TSC22D4: variants seen among roughly 807,000 people sequenced by gnomAD.
The protein encoded by TSC22D4 is TSC22 domain family member 4, also known as TSC22 domain family protein 4.
Under a neutral mutation model 24.9 loss-of-function variants are expected in TSC22D4, and 5 were observed. The ratio of observed to expected loss-of-function variants is 0.20; its 90% CI spans 0.10 to 0.42. TSC22D4 has a LOEUF of 0.42. TSC22D4 is among the 10% of genes least tolerant of loss of function. TSC22D4 has a pLI of 1.00. For missense variants in TSC22D4, 469 were observed against 547.9 expected (o/e 0.86, Z 1.44); for synonymous variants, 245 against 243.2 (o/e 1.01, Z -0.07).
chr7:100,473,215 T>C (rs186267126), intron 3 of TSC22D4, among the ~76,000 whole-genome samples: 74 of 152,256 alleles, frequency 4.9e-4, no homozygotes, highest in African/African-American at 1.7e-3. Flanking sequence ...CTCTCTGCAG[T>C]GCTGCCCCTG....
At position 100,477,819 on chromosome 7, in the gene TSC22D4, C is replaced by T. The variant is rs1799534070; in HGVS notation, c.220G>A (p.Val74Met). Reference sequence around the variant, plus strand: ...CCCAGGCCGTGGGGCAGCTTCACCACCCGGAAACGGGAGGAAGGGGCCCCA... The same window carrying T: ...CCCAGGCCGTGGGGCAGCTTCACCATCCGGAAACGGGAGGAAGGGGCCCCA... ...PPGAPSSRFR[V>M]VKLPHGLGEP... Residue 74 changes from valine (V) to methionine (M), a missense_variant, in exon 2 of 5, where the codon GTG (valine) becomes ATG (methionine). Val to Met is a conservative substitution (Grantham distance 21). Transcript: ENST00000300181. This position sits in a 1 kb window ranked among gnomAD's most constrained non-coding sequence, Gnocchi z 7.8. 1.2e-6 allele frequency: 2 copies of T among 1,606,644 alleles called. No individual in the cohort carries two copies. Among genetic ancestry groups the T allele is most frequent in the African/African-American group, 1.3e-5 (1 of 75,014 alleles).
chr7:100,478,348 A>AGTGTGT (rs1419924992), intron 1 of TSC22D4, 41 bp from the exon 2 acceptor site: 139 of 224,266 alleles, frequency 6.2e-4, no homozygotes, highest in African/African-American at 1.1e-3. Flanking sequence ...AGAGAGAGAG[A>AGTGTGT]GAGTGTGTGT....
At position 100,466,902 on chromosome 7, in the gene TSC22D4, C is replaced by G; in HGVS notation, c.*57G>C. The G allele has an allele frequency of 6.9e-7, 1 of 1,443,158 alleles. No homozygotes were observed. Among genetic ancestry groups the G allele is most frequent in the African/African-American group, 1.4e-5 (1 of 70,290 alleles). 89.4% of individuals were successfully genotyped at this position (1,443,158 alleles called of 1,614,324 possible). A position where few individuals can be genotyped will look rare whatever the true frequency, so the allele number is the denominator to read the frequency against. Reference sequence around the variant, plus strand: ...ATTAAAGCTGCATAGGAAGAGGGGGCAGGCGGCTGACGCAAGGCCGGGCAG... The same window carrying G: ...ATTAAAGCTGCATAGGAAGAGGGGGGAGGCGGCTGACGCAAGGCCGGGCAG... On this transcript the variant is annotated 3_prime_UTR_variant, in exon 5 of 5. Coordinates refer to ENST00000300181, the MANE Select transcript of TSC22D4 (RefSeq NM_030935.5).
chr7:100,471,616 T>C (rs920795903), intron 3 of TSC22D4, among the ~76,000 whole-genome samples: 2 of 152,144 alleles, frequency 1.3e-5, no homozygotes, highest in African/African-American at 4.8e-5. Context: ...GGCATGCACC[T>C]GTAGTCCCAG....
rs900802291 is a variant in TSC22D4, at chr7:100,474,784, C to T, written c.763-344G>A. 1.3e-5 allele frequency among the ~76,000 whole-genome samples: 2 copies of T among 152,076 alleles called. No homozygotes were observed. The highest frequency in any genetic ancestry group is 2.4e-5 in the African/African-American group (1 of 41,406). ...GGACCCCTAATCAGAGGCTACGCAG[C>T]GTGTCTGCCTTCTTTTATGTTTTAT... On this transcript the variant is annotated intron_variant, in intron 2 of 4. Coordinates refer to ENST00000300181, the MANE Select transcript of TSC22D4 (RefSeq NM_030935.5). The surrounding 1 kb of genome is among the most constrained non-coding windows in gnomAD (Gnocchi z 4.3).
Position 100,477,489 on chromosome 7 carries a change from G to T in TSC22D4, c.550C>A (p.Pro184Thr). Residue 184 changes from proline (P) to threonine (T), a missense_variant, in exon 2 of 5, where the codon CCC (proline) becomes ACC (threonine). By Grantham distance (38) the Pro-to-Thr change is conservative (BLOSUM62 -1). Coordinates refer to ENST00000300181, the MANE Select transcript of TSC22D4 (RefSeq NM_030935.5). This position sits in a 1 kb window ranked among gnomAD's most constrained non-coding sequence, Gnocchi z 7.8. ...TGGGGTGAGGAGGCCGACAGTGGGG[G>T]TTTCTCTGCCTTGGCTTTGCTGGGC... is the stretch of plus-strand genomic sequence containing the variant. ...VVPSKAKAEK[P>T]PLSASSPQQR... 2.6e-6 allele frequency: 4 copies of T among 1,552,852 alleles called. No homozygotes were observed. Among genetic ancestry groups the T allele is most frequent in the Non-Finnish European group, 3.5e-6 (4 of 1,150,866 alleles).
chr7:100,475,669 A>G (rs11766752), intron 2 of TSC22D4, among the ~76,000 whole-genome samples: 31,964 of 140,876 alleles, frequency 0.23, 3,642 homozygotes, highest in African/African-American at 0.31. Flanking sequence ...GCTCTGCCCT[A>G]GGGTTGGGGG....
At chr7:100,478,467 G>A (rs1479436251) in intron 1 of TSC22D4, among the ~76,000 whole-genome samples, 160 bp from the exon 2 acceptor site, 1 of 150,236 alleles carries the variant, frequency 6.7e-6, no homozygotes, top group Non-Finnish European at 1.5e-5. Context: ...AGGGGAAACC[G>A]TCAGAGACCC....
intron 3 of TSC22D4, among the ~76,000 whole-genome samples, chr7:100,471,986 C>T (rs922457655): frequency 3.9e-5 from 6 of 152,072 alleles, no homozygotes; most frequent in African/African-American, 1.4e-4. Flanking sequence ...CCATCCACTT[C>T]TTCACACCTT....
At chr7:100,476,259 C>G (rs1398476136) in intron 2 of TSC22D4, among the ~76,000 whole-genome samples, 3 of 146,898 alleles carry the variant, frequency 2.0e-5, no homozygotes, top group Admixed American at 6.9e-5. Context: ...GAGGGGGCAT[C>G]ACGAGAGATG....
At chr7:100,471,851 G>A (rs1584348953) in intron 3 of TSC22D4, among the ~76,000 whole-genome samples, 2 of 152,166 alleles carry the variant, frequency 1.3e-5, no homozygotes, top group East Asian at 1.9e-4. Context: ...AAGGGAGAAG[G>A]CAGTACCGGA....
At chr7:100,476,240 G>T (rs1051153995) in intron 2 of TSC22D4, among the ~76,000 whole-genome samples, 1 of 149,806 alleles carries the variant, frequency 6.7e-6, no homozygotes, top group Non-Finnish European at 1.5e-5. Flanking sequence ...GTTGGGGGAG[G>T]GGGGGTAGGA....
chr7:100,469,805 C>T (rs753754822), intron 3 of TSC22D4, among the ~76,000 whole-genome samples: 1 of 152,192 alleles, frequency 6.6e-6, no homozygotes, highest in Non-Finnish European at 1.5e-5. Flanking sequence ...GGGATCAGCA[C>T]TCAATTCAAG....
At chr7:100,475,682 G>T (rs1052458923) in intron 2 of TSC22D4, among the ~76,000 whole-genome samples, 2 of 151,770 alleles carry the variant, frequency 1.3e-5, no homozygotes, top group Admixed American at 6.6e-5. Flanking sequence ...GTTGGGGGGG[G>T]AGCTGGTTGT....
rs775930417 is a variant in TSC22D4 at position 100,474,449 on chromosome 7, G to A, written c.763-9C>T. On this transcript the variant is annotated splice_polypyrimidine_tract_variant and intron_variant, in intron 2 of 4. Coordinates refer to ENST00000300181, the MANE Select transcript of TSC22D4 (RefSeq NM_030935.5). This position sits in a 1 kb window ranked among gnomAD's most constrained non-coding sequence, Gnocchi z 4.3. ...GAGTCAAGTGGGGGCACCTGGAGGCGGAGAGGTAGGAACCATCACATGAAA... is the reference window on the plus strand; with the variant it reads ...GAGTCAAGTGGGGGCACCTGGAGGCAGAGAGGTAGGAACCATCACATGAAA... 29 of 1,613,536 alleles carry A rather than the reference G, an allele frequency of 1.8e-5. No homozygotes were observed. The highest frequency in any genetic ancestry group is 9.9e-5 in the South Asian group (9 of 91,066).
chr7:100,477,467 G>A lies in TSC22D4; in HGVS notation c.572C>T (p.Pro191Leu), dbSNP rs1262082449. 6.4e-7 allele frequency: 1 copy of A among 1,556,118 alleles called. No individual in the cohort carries two copies. Among genetic ancestry groups the A allele is most frequent in the African/African-American group, 1.4e-5 (1 of 73,068 alleles). The change falls in exon 2 of 5, where the codon CCC becomes CTC. Residue 191 changes from proline to leucine, a missense_variant. Pro to Leu is a moderately conservative substitution (Grantham distance 98). Coordinates refer to ENST00000300181, the MANE Select transcript of TSC22D4 (RefSeq NM_030935.5). This position sits in a 1 kb window ranked among gnomAD's most constrained non-coding sequence, Gnocchi z 7.8. ...AEKPPLSASS[P>L]QQRPPEPETG... ...CTCAGGCTCTGGGGGGCGCTGCTGG[G>A]GTGAGGAGGCCGACAGTGGGGGTTT... is the stretch of plus-strand genomic sequence containing the variant.
Position 100,474,567 on chromosome 7 carries a change from T to C in TSC22D4, c.763-127A>G, listed in dbSNP as rs1035492527. 8.8e-5 allele frequency: 101 copies of C among 1,142,960 alleles called. No individual in the cohort carries two copies. Among genetic ancestry groups the C allele is most frequent in the Non-Finnish European group, 1.0e-4 (84 of 809,478 alleles). 70.8% of individuals were successfully genotyped at this position (1,142,960 alleles called of 1,614,324 possible). A position where few individuals can be genotyped will look rare whatever the true frequency, so the allele number is the denominator to read the frequency against. ...CTCTCTTTCGAGGACCCAGGAGTCC[T>C]GTCCCCGCAGTCCTTCCCTCCTCCA... On this transcript the variant is annotated intron_variant, in intron 2 of 4. Transcript: ENST00000300181. The surrounding 1 kb of genome is among the most constrained non-coding windows in gnomAD (Gnocchi z 4.3).
At position 100,474,207 on chromosome 7, in the gene TSC22D4, C is replaced by G; in HGVS notation, c.929+67G>C. On this transcript the variant is annotated intron_variant, in intron 3 of 4. Coordinates refer to ENST00000300181, the MANE Select transcript of TSC22D4 (RefSeq NM_030935.5). This position sits in a 1 kb window ranked among gnomAD's most constrained non-coding sequence, Gnocchi z 4.3. Reference sequence around the variant, plus strand: ...AGGATGCCTACCAGGCACTTTCTTACAGCTACCCCGGGTGCTGGGCGGGGA... The same window carrying G: ...AGGATGCCTACCAGGCACTTTCTTAGAGCTACCCCGGGTGCTGGGCGGGGA... 1 of 1,588,142 alleles carries G rather than the reference C, an allele frequency of 6.3e-7. No homozygotes were observed.
rs1377540814 is a variant in TSC22D4 at position 100,474,284 on chromosome 7, C to T, written c.919G>A (p.Asp307Asn). ...MLAISGHLDS[D>N]DDSGSGSLVG... The stretch of plus-strand genomic sequence containing the variant: ...ACGAAGCCCACCTACCTATCATCGT[C>T]GCTGTCTAGGTGACCACTGATGGCC... Residue 307 changes from aspartate to asparagine, a missense_variant, in exon 3 of 5, where the codon GAC (aspartate) becomes AAC (asparagine). Asp to Asn is a conservative substitution (Grantham distance 23, BLOSUM62 1). Coordinates refer to ENST00000300181, the MANE Select transcript of TSC22D4 (RefSeq NM_030935.5). This position sits in a 1 kb window ranked among gnomAD's most constrained non-coding sequence, Gnocchi z 4.3. 1.3e-5 allele frequency: 21 copies of T among 1,613,894 alleles called. No homozygotes were observed. Among genetic ancestry groups the T allele is most frequent in the Non-Finnish European group, 1.6e-5 (19 of 1,179,966 alleles).
Sources: gnomAD v4.1 joint callset for allele counts (sites outside exome capture counted in the v4.1 genomes callset) on GRCh38, gnomAD v4.1.1 for gene constraint, Gnocchi (gnomAD v3.1) non-coding constraint, MANE v1.5 for transcripts, NCBI Gene and HGNC (gene_info 2026-07-23, HGNC 2026-07-21) for gene names.